The following VPS13B variants were observed in gnomAD, a reference collection of about 807,000 sequenced individuals.
VPS13B encodes intermembrane lipid transfer protein VPS13B.
Under a neutral mutation model 426.4 loss-of-function variants are expected in VPS13B, and 285 were observed. That is an observed-to-expected ratio of 0.67 (90% confidence interval 0.61 to 0.74). The LOEUF (loss-of-function observed/expected upper bound fraction) is 0.74, where lower values mean the gene tolerates loss of function less well. Ranked by LOEUF, VPS13B falls within the 30% of genes least tolerant of loss-of-function variation. The pLI is 0.00. For missense variants in VPS13B, 4,537 were observed against 4,782.6 expected, an observed-to-expected ratio of 0.95 and a Z score of 1.51; for synonymous variants, 1,676 against 1,676.4, an observed-to-expected ratio of 1.00 and a Z score of 0.01.
intron 33 of VPS13B, among the ~76,000 whole-genome samples, chr8:99,584,006 T>C (rs543997160): frequency 2.3e-4 from 35 of 152,222 alleles, no homozygotes; most frequent in Admixed American, 3.9e-4. Flanking sequence ...ATGCTGAGTA[T>C]TTTGTTTCCT....
Position 99,793,285 on chromosome 8 carries a change from A to AT in VPS13B, c.7941+8809_7941+8810insT, listed in dbSNP as rs1812655534. Among the ~76,000 whole-genome samples, 14 of 143,984 alleles carry AT rather than the reference A, an allele frequency of 9.7e-5. No individual in the cohort carries two copies. The South Asian group carries it at 1.1e-3, about 11-fold the overall frequency. The allele number at this position is 143,984 out of a possible 152,430, so 94.5% of individuals were successfully genotyped here. On this transcript the variant is annotated intron_variant, in intron 43 of 61. Coordinates refer to ENST00000357162, the MANE Select transcript of VPS13B (RefSeq NM_152564.5). ...TATATATATATATATATATATATAT[A>AT]AAATACATGATGGAAGAAAAAAGTA...
At chr8:99,579,938 T>C (rs1825970054) in intron 33 of VPS13B, among the ~76,000 whole-genome samples, 1 of 152,112 alleles carries the variant, frequency 6.6e-6, no homozygotes, top group Admixed American at 6.6e-5. Context: ...CCTCAGGTGA[T>C]CTGGCCCCCT....
chr8:99,599,648 G>T (rs1006365074), intron 33 of VPS13B, among the ~76,000 whole-genome samples: 25 of 152,102 alleles, frequency 1.6e-4, no homozygotes, highest in African/African-American at 6.0e-4. Context: ...TAGAGCCATG[G>T]AAGTGTATAT....
intron 34 of VPS13B, among the ~76,000 whole-genome samples, chr8:99,650,525 T>TC (rs1267425868): frequency 2.6e-5 from 4 of 152,212 alleles, no homozygotes; most frequent in Non-Finnish European, 5.9e-5. Context: ...TGTTTCAAGA[T>TC]CCCCAGTGGG....
intron 51 of VPS13B, among the ~76,000 whole-genome samples, chr8:99,824,761 G>A (rs1814576517): frequency 6.6e-6 from 1 of 151,776 alleles, no homozygotes; most frequent in Non-Finnish European, 1.5e-5. Context: ...GGTGTGTGAT[G>A]TCCCCCCTCC....
At chr8:99,243,591 T>C (rs1817048184) in intron 17 of VPS13B, among the ~76,000 whole-genome samples, 1 of 152,188 alleles carries the variant, frequency 6.6e-6, no homozygotes, top group Non-Finnish European at 1.5e-5. Flanking sequence ...ACTGATGTCT[T>C]ACATTTTTTC....
At chr8:99,353,121 A>G (rs1811985590) in intron 19 of VPS13B, among the ~76,000 whole-genome samples, 1 of 151,864 alleles carries the variant, frequency 6.6e-6, no homozygotes, top group Non-Finnish European at 1.5e-5. Context: ...AGCTGGGATT[A>G]GAGGCATGTT....
chr8:99,471,138 A>G (rs2133523466), intron 24 of VPS13B, among the ~76,000 whole-genome samples: 1 of 152,272 alleles, frequency 6.6e-6, no homozygotes, highest in South Asian at 2.1e-4. Flanking sequence ...CTATTCTACA[A>G]GAAATGCTAA....
chr8:99,249,548 G>A lies in VPS13B; in HGVS notation c.2516-24650G>A, dbSNP rs530127228. On this transcript the variant is annotated intron_variant, in intron 17 of 61. Transcript: ENST00000357162. Reference sequence around the variant, plus strand: ...ACGCCGTTCTCCTGCCTCAGCCTCCGGAGTAGCTGGGACTACAGACACCCG... The same window carrying A: ...ACGCCGTTCTCCTGCCTCAGCCTCCAGAGTAGCTGGGACTACAGACACCCG... Among the ~76,000 whole-genome samples the A allele has an allele frequency of 9.5e-4, 143 of 150,994 alleles. 1 individual carries two copies. The highest frequency in any genetic ancestry group is 2.7e-3 in the Admixed American group (41 of 15,100).
intron 19 of VPS13B, among the ~76,000 whole-genome samples, chr8:99,317,241 G>GT (rs1174327230): frequency 1.4e-4 from 21 of 151,684 alleles, no homozygotes; most frequent in East Asian, 1.4e-3. Flanking sequence ...TTTAGATAAA[G>GT]TTTTTTTTTA....
At chr8:99,075,956 GT>G (rs1009077206) in intron 3 of VPS13B, among the ~76,000 whole-genome samples, 2 of 151,810 alleles carry the variant, frequency 1.3e-5, no homozygotes, top group African/African-American at 4.8e-5. Context: ...TCATTAGGTG[GT>G]TTTTTTGAAA....
chr8:99,624,261 A>G (rs1276077495), intron 33 of VPS13B, among the ~76,000 whole-genome samples: 5 of 152,038 alleles, frequency 3.3e-5, no homozygotes, highest in African/African-American at 1.2e-4. Flanking sequence ...TTTCTGTATA[A>G]AATAGTCCAT....
chr8:99,751,303 A>G (rs1485208743), intron 39 of VPS13B, among the ~76,000 whole-genome samples: 1 of 152,102 alleles, frequency 6.6e-6, no homozygotes, highest in Non-Finnish European at 1.5e-5. Context: ...CATCAGCTCT[A>G]CAGTATGAAA....
intron 3 of VPS13B, among the ~76,000 whole-genome samples, chr8:99,091,013 C>T (rs752500891): frequency 6.6e-6 from 1 of 152,138 alleles, no homozygotes; most frequent in Admixed American, 6.6e-5. Context: ...AAAGGAATGT[C>T]ATAGGTAGCA....
chr8:99,136,871 T>C, intron 12 of VPS13B, 119 bp downstream of exon 12: 1 of 967,948 alleles, frequency 1.0e-6, no homozygotes, highest in East Asian at 2.4e-5. Context: ...CTTCTAGTAC[T>C]TTGGGGAGTG....
At chr8:99,028,986 C>T (rs1160054445) in intron 2 of VPS13B, among the ~76,000 whole-genome samples, 1 of 145,206 alleles carries the variant, frequency 6.9e-6, no homozygotes, top group East Asian at 2.1e-4. Context: ...TCAGACGGGG[C>T]GGCTGCCGGG....
intron 17 of VPS13B, among the ~76,000 whole-genome samples, chr8:99,259,372 G>T (rs1817925503): frequency 6.6e-6 from 1 of 152,088 alleles, no homozygotes; most frequent in African/African-American, 2.4e-5. Flanking sequence ...GAAAATTAGT[G>T]TTGGAAGTAG....
intron 17 of VPS13B, among the ~76,000 whole-genome samples, chr8:99,205,269 C>T (rs62153087): frequency 7.9e-5 from 12 of 152,112 alleles, no homozygotes; most frequent in Non-Finnish European, 1.8e-4. Context: ...AAACCAAACA[C>T]CACGTGTTCT....
intron 19 of VPS13B, among the ~76,000 whole-genome samples, chr8:99,357,619 T>C (rs1446763516): frequency 2.0e-5 from 3 of 152,210 alleles, no homozygotes; most frequent in Non-Finnish European, 2.9e-5. Context: ...AGTGACAATA[T>C]TGTGATGTGT....
Sources: gnomAD v4.1 joint callset for allele counts (sites outside exome capture counted in the v4.1 genomes callset) on GRCh38, gnomAD v4.1.1 for gene constraint, MANE v1.5 for transcripts, NCBI Gene and HGNC (gene_info 2026-07-23, HGNC 2026-07-21) for gene names.